The following IFT88 variants were observed in gnomAD, a reference collection of about 807,000 sequenced individuals.
The protein encoded by IFT88 is intraflagellar transport protein 88 homolog.
IFT88 carries 74 observed loss-of-function variants against 119.5 expected under a neutral mutation model. The observed-to-expected ratio is 0.62, with a 90% CI of 0.51 to 0.75. The LOEUF is 0.75. Among genes scored for constraint, IFT88 ranks in the 30% least tolerant of loss-of-function variants. The probability of loss-of-function intolerance (pLI) is 0.00; values close to 1 mark genes in which losing one functional copy is unlikely to be tolerated. For synonymous variants in IFT88, 279 were observed against 316.7 expected (o/e 0.88, Z 1.26); for missense variants, 961 against 977.7 (o/e 0.98, Z 0.23).
At chr13:20,682,285 G>A (rs1036842061) in intron 24 of IFT88, among the ~76,000 whole-genome samples, 8 of 152,176 alleles carry the variant, frequency 5.3e-5, no homozygotes, top group Non-Finnish European at 7.3e-5. Context: ...ATGCTGTGTC[G>A]GAAAAATCAG....
intron 13 of IFT88, among the ~76,000 whole-genome samples, chr13:20,615,380 T>C (rs947369856): frequency 1.3e-5 from 2 of 152,194 alleles, no homozygotes; most frequent in African/African-American, 4.8e-5. Flanking sequence ...GATACACATA[T>C]ATGCACACAA....
At chr13:20,686,547 TTAAAGA>T (rs10533379) in intron 24 of IFT88, among the ~76,000 whole-genome samples, 34,540 of 147,008 alleles carry the variant, frequency 0.23, 5,297 homozygotes, top group East Asian at 0.69. Context: ...ATCGGTGGTG[TTAAAGA>T]TAAAGAAATT....
At chr13:20,648,604 G>A (rs1440581564) in intron 20 of IFT88, among the ~76,000 whole-genome samples, 3 of 151,982 alleles carry the variant, frequency 2.0e-5, no homozygotes, top group African/African-American at 7.2e-5. Flanking sequence ...AGTAGTAATG[G>A]AAGAATTGAG....
intron 13 of IFT88, chr13:20,607,793 C>G: frequency 1.3e-6 from 1 of 743,716 alleles, no homozygotes. Flanking sequence ...CTCGTCAGCT[C>G]TCTGAGCTAT....
At chr13:20,639,186 C>G (rs2049475223) in intron 17 of IFT88, among the ~76,000 whole-genome samples, 1 of 152,138 alleles carries the variant, frequency 6.6e-6, no homozygotes, top group African/African-American at 2.4e-5. Flanking sequence ...TTCTCCCTGC[C>G]TAGGTATTTT....
At chr13:20,608,138 A>G (rs562826287) in intron 13 of IFT88, 6 of 446,750 alleles carry the variant, frequency 1.3e-5, no homozygotes, top group South Asian at 1.2e-4. Context: ...TCTTAGTTTG[A>G]ACCACTATGA....
chr13:20,579,262 C>T (rs898352810), intron 2 of IFT88, among the ~76,000 whole-genome samples: 2 of 152,168 alleles, frequency 1.3e-5, no homozygotes, highest in African/African-American at 2.4e-5. Context: ...CTGGGTGGGT[C>T]CAGAGATGCT....
chr13:20,635,365 T>C (rs940412388), intron 16 of IFT88, among the ~76,000 whole-genome samples: 2 of 152,118 alleles, frequency 1.3e-5, no homozygotes, highest in African/African-American at 4.8e-5. Flanking sequence ...CATGGAGATA[T>C]AAAGACAGGA....
intron 14 of IFT88, among the ~76,000 whole-genome samples, chr13:20,616,829 A>G (rs1405995497): frequency 6.6e-6 from 1 of 152,208 alleles, no homozygotes; most frequent in African/African-American, 2.4e-5. Context: ...GTGATACAGC[A>G]TTACAGCACC....
intron 24 of IFT88, among the ~76,000 whole-genome samples, chr13:20,686,009 C>T (rs74663640): frequency 0.012 from 1,894 of 152,090 alleles, 44 homozygotes; most frequent in African/African-American, 0.044. Context: ...AAATGTTCAA[C>T]TGGAAATAAT....
intron 1 of IFT88, among the ~76,000 whole-genome samples, chr13:20,569,256 AAAAT>A (rs77790290): frequency 0.39 from 59,867 of 151,594 alleles, 13,616 homozygotes; most frequent in Non-Finnish European, 0.52. Flanking sequence ...AACCAAAGGA[AAAAT>A]AAATTGTATA....
At chr13:20,682,408 A>G (rs2057425033) in intron 24 of IFT88, among the ~76,000 whole-genome samples, 1 of 152,228 alleles carries the variant, frequency 6.6e-6, no homozygotes, top group South Asian at 2.1e-4. Flanking sequence ...AGGGCTAGTG[A>G]GACTAGGATC....
chr13:20,626,274 A>G lies in IFT88; in HGVS notation c.1299+425A>G, dbSNP rs974364798. Among the ~76,000 whole-genome samples, 146 of 151,828 alleles carry G rather than the reference A, an allele frequency of 9.6e-4. 1 individual carries two copies. The highest frequency in any genetic ancestry group is 3.3e-3 in the African/African-American group (136 of 41,424). On this transcript the variant is annotated intron_variant, in intron 15 of 25. Coordinates refer to ENST00000351808, the MANE Select transcript of IFT88 (RefSeq NM_006531.5). The stretch of plus-strand genomic sequence containing the variant: ...ATGGGGTTTCACCGTGTTAGCCAGG[A>G]TGGTCTCGATCTCCTGACCTTGTGA...
chr13:20,640,637 C>T (rs1457264874), intron 17 of IFT88, among the ~76,000 whole-genome samples: 1 of 151,966 alleles, frequency 6.6e-6, no homozygotes, highest in Non-Finnish European at 1.5e-5. Context: ...GTCAGTTGTT[C>T]TGGCACCACT....
At chr13:20,689,739 GA>G (rs1181524624) in intron 24 of IFT88, among the ~76,000 whole-genome samples, 1 of 151,632 alleles carries the variant, frequency 6.6e-6, no homozygotes, top group East Asian at 1.9e-4. Context: ...AGACAGGTAG[GA>G]TATACATTAT....
At chr13:20,601,560 T>A in intron 11 of IFT88, 145 bp from the exon 12 acceptor site, 1 of 559,998 alleles carries the variant, frequency 1.8e-6, no homozygotes, top group Non-Finnish European at 3.1e-6. Context: ...TTATGGTATT[T>A]ATATAAAGCT....
At chr13:20,646,478 T>G (rs920204815) in intron 20 of IFT88, among the ~76,000 whole-genome samples, 2 of 151,652 alleles carry the variant, frequency 1.3e-5, no homozygotes, top group Non-Finnish European at 2.9e-5. Context: ...AATTTTTGTT[T>G]TTGTTTTTGT....
chr13:20,628,241 A>T (rs190064592), intron 15 of IFT88, among the ~76,000 whole-genome samples: 1 of 152,104 alleles, frequency 6.6e-6, no homozygotes, highest in South Asian at 2.1e-4. Context: ...ATCACAGAGT[A>T]TGGGTCTTTT....
At chr13:20,674,724 AT>A (rs35617736) in intron 24 of IFT88, among the ~76,000 whole-genome samples, 18,251 of 66,150 alleles carry the variant, frequency 0.28, 1,690 homozygotes, top group Non-Finnish European at 0.38. Context: ...ATATATATAT[AT>A]TTTTTTTTTT....
Sources: allele counts gnomAD v4.1 joint callset (sites outside exome capture counted in the v4.1 genomes callset), GRCh38; gene constraint gnomAD v4.1.1; transcripts MANE v1.5; gene names NCBI Gene and HGNC (gene_info 2026-07-23, HGNC 2026-07-21).